SMAD3: variants seen among roughly 807,000 people sequenced by gnomAD.
SMAD3 encodes the protein SMAD family member 3.
Under a neutral mutation model 51.8 loss-of-function variants are expected in SMAD3, and 12 were observed. The observed-to-expected ratio is 0.23, with a 90% CI of 0.15 to 0.38. SMAD3 has a LOEUF of 0.38. Ranked by LOEUF, SMAD3 falls within the 10% of genes least tolerant of loss-of-function variation. The pLI, the probability that SMAD3 is intolerant of heterozygous loss-of-function variation, is 1.00. For missense variants in SMAD3, 294 were observed against 565.6 expected, an observed-to-expected ratio of 0.52 and a Z score of 4.87; for synonymous variants, 238 against 227.7, an observed-to-expected ratio of 1.05 and a Z score of -0.41.
intron 1 of SMAD3, among the ~76,000 whole-genome samples, chr15:67,150,514 C>G (rs540459058): frequency 6.6e-6 from 1 of 152,166 alleles, no homozygotes; most frequent in South Asian, 2.1e-4. Context: ...ATCCCACCCC[C>G]AAGCGTGCAG....
intron 1 of SMAD3, among the ~76,000 whole-genome samples, chr15:67,126,922 G>T (rs1457433864): frequency 6.6e-6 from 1 of 152,212 alleles, no homozygotes; most frequent in Non-Finnish European, 1.5e-5. Context: ...ACCCACACAG[G>T]CACACTCTTG....
chr15:67,133,281 G>A (rs185511357), intron 1 of SMAD3, among the ~76,000 whole-genome samples: 65 of 152,220 alleles, frequency 4.3e-4, no homozygotes, highest in African/African-American at 1.5e-3. Flanking sequence ...CTCTCTCCTG[G>A]CCAGAGGAAA....
At chr15:67,092,194 AG>A (rs34110325) in intron 1 of SMAD3, among the ~76,000 whole-genome samples, 1 of 152,208 alleles carries the variant, frequency 6.6e-6, no homozygotes, top group Non-Finnish European at 1.5e-5. Flanking sequence ...GCTCAGCCCC[AG>A]GGAGGACACA....
chr15:67,183,008 T>A (rs1442167182), intron 6 of SMAD3, among the ~76,000 whole-genome samples: 2 of 68,188 alleles, frequency 2.9e-5, no homozygotes, highest in African/African-American at 1.4e-4. Flanking sequence ...AAAATATATA[T>A]ATATATATAT....
chr15:67,069,039 A>T (rs1356432148), intron 1 of SMAD3, among the ~76,000 whole-genome samples: 1 of 152,170 alleles, frequency 6.6e-6, no homozygotes, highest in Non-Finnish European at 1.5e-5. Context: ...AGGAGCCCTC[A>T]GTCTAAGGAG....
chr15:67,181,471 T>TGGGCC lies in SMAD3; in HGVS notation c.871+18_871+19insGGGCC. On this transcript the variant is annotated intron_variant, in intron 6 of 8. Transcript: ENST00000327367. Reference sequence around the variant, plus strand: ...ACACATCGGTATGGGGTGGCTCCATTCCCCGCCCCCCCACCCTGCCCCTGC... The same window carrying TGGGCC: ...ACACATCGGTATGGGGTGGCTCCATTGGGCCCCCCGCCCCCCCACCCTGCCCCTGC... 3 of 1,521,054 alleles carry TGGGCC rather than the reference T, an allele frequency of 2.0e-6. No individual in the cohort carries two copies. The highest frequency in any genetic ancestry group is 1.9e-5 in the Admixed American group (1 of 53,428). 94.2% of individuals were successfully genotyped at this position (1,521,054 alleles called of 1,614,324 possible).
At chr15:67,114,229 G>A (rs565238376) in intron 1 of SMAD3, among the ~76,000 whole-genome samples, 6 of 152,132 alleles carry the variant, frequency 3.9e-5, no homozygotes, top group Admixed American at 2.6e-4. Flanking sequence ...CCTCTCTCTC[G>A]CCCACTCCCT....
In SMAD3 at chr15:67,103,330, A is replaced by G. The variant is rs775177262; in HGVS notation, c.206+36970A>G. Among the ~76,000 whole-genome samples the G allele has an allele frequency of 3.9e-5, 6 of 152,228 alleles. No homozygotes were observed. In the South Asian group the frequency reaches 1.0e-3, roughly 26 times the overall value. ...ATGGCCTCCTTGGGACTCACTTCAC[A>G]TCACTCGACAAGGGGATAGCAGGAC... On this transcript the variant is annotated intron_variant, in intron 1 of 8. Transcript: ENST00000327367.
At chr15:67,158,950 A>G (rs1296286897) in intron 1 of SMAD3, among the ~76,000 whole-genome samples, 1 of 152,216 alleles carries the variant, frequency 6.6e-6, no homozygotes, top group Non-Finnish European at 1.5e-5. Context: ...TTTCTGGAAT[A>G]TCTTTCTGGG....
At chr15:67,173,099 A>G (rs1962796395) in intron 5 of SMAD3, among the ~76,000 whole-genome samples, 1 of 152,130 alleles carries the variant, frequency 6.6e-6, no homozygotes, top group East Asian at 1.9e-4. Context: ...GGTGCAGATG[A>G]AGTACTCTGA....
intron 1 of SMAD3, 46 bp downstream of exon 1, chr15:67,066,406 C>G (rs1203079720): frequency 6.5e-7 from 1 of 1,536,794 alleles, no homozygotes; most frequent in Admixed American, 1.7e-5. Flanking sequence ...CGGCCCAGCC[C>G]CCTGGCACTG....
At chr15:67,103,678 T>A (rs1283354697) in intron 1 of SMAD3, among the ~76,000 whole-genome samples, 2 of 152,054 alleles carry the variant, frequency 1.3e-5, no homozygotes, top group Non-Finnish European at 2.9e-5. Flanking sequence ...TGGGCCTGTG[T>A]GTGGACTCCC....
intron 1 of SMAD3, among the ~76,000 whole-genome samples, chr15:67,149,472 A>G (rs1962068844): frequency 1.3e-5 from 2 of 152,150 alleles, no homozygotes; most frequent in African/African-American, 4.8e-5. Flanking sequence ...TGCAGCTTTC[A>G]GACAAGGGCC....
At chr15:67,177,319 T>C (rs1962927482) in intron 5 of SMAD3, among the ~76,000 whole-genome samples, 1 of 152,162 alleles carries the variant, frequency 6.6e-6, no homozygotes, top group South Asian at 2.1e-4. Context: ...GGTTATCCCA[T>C]TTATAGCCGC....
intron 1 of SMAD3, among the ~76,000 whole-genome samples, chr15:67,091,318 A>G (rs1595893766): frequency 6.6e-6 from 1 of 152,220 alleles, no homozygotes; most frequent in Admixed American, 6.5e-5. Context: ...GAGAGATAGG[A>G]CCTGCCTCCA....
intron 1 of SMAD3, among the ~76,000 whole-genome samples, chr15:67,091,645 G>A (rs541173657): frequency 1.9e-4 from 29 of 152,046 alleles, no homozygotes; most frequent in African/African-American, 6.8e-4. Flanking sequence ...TTGTACATTT[G>A]GTGTCTGTTT....
At chr15:67,159,639 C>T (rs1379423286) in intron 1 of SMAD3, among the ~76,000 whole-genome samples, 4 of 152,094 alleles carry the variant, frequency 2.6e-5, no homozygotes, top group Non-Finnish European at 5.9e-5. Context: ...TCCAAGTGCA[C>T]CTTGGTAATT....
intron 1 of SMAD3, among the ~76,000 whole-genome samples, chr15:67,082,666 C>T (rs545567225): frequency 5.9e-5 from 9 of 152,314 alleles, no homozygotes; most frequent in East Asian, 1.9e-4. Flanking sequence ...TTGCCGTCGT[C>T]GGACGGAACT....
intron 8 of SMAD3, among the ~76,000 whole-genome samples, chr15:67,189,663 A>G (rs2140326624): frequency 1.3e-5 from 2 of 152,176 alleles, no homozygotes; most frequent in South Asian, 4.1e-4. Context: ...CAGGGCCCAC[A>G]CCTCTCACCT....
Sources: gnomAD v4.1 joint callset for allele counts (sites outside exome capture counted in the v4.1 genomes callset) on GRCh38, gnomAD v4.1.1 for gene constraint, MANE v1.5 for transcripts, NCBI Gene and HGNC (gene_info 2026-07-23, HGNC 2026-07-21) for gene names.